CSMD1: variants seen among roughly 807,000 people sequenced by gnomAD.
CSMD1 encodes CUB and Sushi multiple domains 1, also known as CUB and sushi domain-containing protein 1.
Under a neutral mutation model 417.5 loss-of-function variants are expected in CSMD1, and 213 were observed. The ratio of observed to expected loss-of-function variants is 0.51; its 90% CI spans 0.46 to 0.57. The LOEUF is 0.57. CSMD1 is among the 20% of genes least tolerant of loss of function. The pLI is 0.00. For synonymous variants in CSMD1, 2,862 were observed against 1,736.8 expected (o/e 1.65, Z -16.11); for missense variants, 6,923 against 4,529.7 (o/e 1.53, Z -15.17).
At chr8:3,035,362 A>T (rs1279802799) in intron 50 of CSMD1, among the ~76,000 whole-genome samples, 2 of 152,154 alleles carry the variant, frequency 1.3e-5, no homozygotes, top group Non-Finnish European at 2.9e-5. Context: ...AAAGGAGGGT[A>T]TCACTATTAT....
chr8:4,807,209 G>A (rs1333299119), intron 1 of CSMD1, among the ~76,000 whole-genome samples: 1 of 152,100 alleles, frequency 6.6e-6, no homozygotes, highest in Admixed American at 6.5e-5. Context: ...CCATCTGCCT[G>A]TCCACCACTC....
chr8:4,958,693 G>T (rs182695318), intron 1 of CSMD1, among the ~76,000 whole-genome samples: 68 of 152,194 alleles, frequency 4.5e-4, no homozygotes, highest in African/African-American at 1.5e-3. Flanking sequence ...AAGAATAATA[G>T]ACATAATTAG....
chr8:4,781,525 T>G (rs188626584), intron 1 of CSMD1, among the ~76,000 whole-genome samples: 40 of 152,298 alleles, frequency 2.6e-4, no homozygotes, highest in African/African-American at 9.6e-4. Flanking sequence ...AAGAGATAAT[T>G]AAAAATCATA....
At chr8:3,053,286 G>A (rs915527969) in intron 49 of CSMD1, among the ~76,000 whole-genome samples, 4 of 152,152 alleles carry the variant, frequency 2.6e-5, no homozygotes, top group African/African-American at 9.7e-5. Flanking sequence ...GGAGCACAAT[G>A]TCACACACTC....
intron 1 of CSMD1, among the ~76,000 whole-genome samples, chr8:4,902,895 T>C (rs1804979285): frequency 6.6e-6 from 1 of 151,484 alleles, no homozygotes; most frequent in Admixed American, 6.6e-5. Flanking sequence ...TGCATGTATA[T>C]TTTTACACAA....
chr8:4,125,233 C>T lies in CSMD1; in HGVS notation c.416-93134G>A, dbSNP rs989463096. On this transcript the variant is annotated intron_variant, in intron 3 of 69. Coordinates refer to ENST00000635120, the MANE Select transcript of CSMD1 (RefSeq NM_033225.6). The stretch of plus-strand genomic sequence containing the variant: ...AGGTCGAGCTGGGAACTGCTTAGGG[C>T]CAACCTGCCTCCCATTCTATTCGAA... Among the ~76,000 whole-genome samples the T allele has an allele frequency of 3.9e-5, 6 of 152,178 alleles. No individual in the cohort carries two copies. The East Asian group carries it at 7.7e-4, about 20-fold the overall frequency.
intron 26 of CSMD1, among the ~76,000 whole-genome samples, chr8:3,244,700 C>G (rs556754717): frequency 6.6e-6 from 1 of 152,028 alleles, no homozygotes; most frequent in Admixed American, 6.6e-5. Context: ...TCACCCTGGA[C>G]GGTGAATGGA....
chr8:3,372,187 A>C (rs1338281340), intron 18 of CSMD1, among the ~76,000 whole-genome samples: 1 of 152,184 alleles, frequency 6.6e-6, no homozygotes, highest in Non-Finnish European at 1.5e-5. Context: ...TCTATAAATA[A>C]GGACTTGAGA....
intron 1 of CSMD1, among the ~76,000 whole-genome samples, chr8:4,842,475 A>G (rs1348762759): frequency 2.0e-5 from 3 of 152,222 alleles, no homozygotes; most frequent in African/African-American, 7.2e-5. Flanking sequence ...ATGAGTTGTC[A>G]GATGCAATGG....
chr8:3,254,749 G>C (rs930075740), intron 26 of CSMD1, among the ~76,000 whole-genome samples: 1 of 152,028 alleles, frequency 6.6e-6, no homozygotes, highest in African/African-American at 2.4e-5. Context: ...TCTGTGCATT[G>C]GTTATTCTAG....
At chr8:4,366,448 G>T (rs563697165) in intron 3 of CSMD1, among the ~76,000 whole-genome samples, 6 of 152,282 alleles carry the variant, frequency 3.9e-5, no homozygotes, top group Admixed American at 3.3e-4. Context: ...AATCCCAAAG[G>T]TGGGACTGCT....
chr8:3,850,130 C>T (rs761069518), intron 5 of CSMD1, among the ~76,000 whole-genome samples: 13 of 152,200 alleles, frequency 8.5e-5, no homozygotes, highest in Non-Finnish European at 1.8e-4. Context: ...TGGGCGATGT[C>T]GCCATTCTTA....
At chr8:3,820,254 T>A (rs915127453) in intron 5 of CSMD1, among the ~76,000 whole-genome samples, 1 of 152,190 alleles carries the variant, frequency 6.6e-6, no homozygotes, top group Admixed American at 6.5e-5. Context: ...CCAGACCATG[T>A]GGCAAATGGG....
intron 26 of CSMD1, among the ~76,000 whole-genome samples, chr8:3,248,046 G>A (rs754157939): frequency 7.2e-5 from 11 of 152,076 alleles, no homozygotes; most frequent in African/African-American, 1.4e-4. Context: ...GAACAACACC[G>A]GCTGTGCAAA....
chr8:3,498,894 T>C (rs1185070201), intron 10 of CSMD1, among the ~76,000 whole-genome samples: 2 of 152,186 alleles, frequency 1.3e-5, no homozygotes, highest in East Asian at 1.9e-4. Context: ...GATCATGAAT[T>C]GTTTTCCTAC....
intron 2 of CSMD1, among the ~76,000 whole-genome samples, chr8:4,452,858 G>C (rs1260054109): frequency 3.3e-5 from 5 of 152,150 alleles, no homozygotes; most frequent in Non-Finnish European, 7.3e-5. Flanking sequence ...ATGAGAAGGT[G>C]ATATAGGAAG....
chr8:3,645,349 C>G (rs537066775), intron 7 of CSMD1, among the ~76,000 whole-genome samples: 2 of 152,332 alleles, frequency 1.3e-5, no homozygotes, highest in East Asian at 1.9e-4. Context: ...AAGACCTATC[C>G]TAATTGAGAA....
intron 3 of CSMD1, among the ~76,000 whole-genome samples, chr8:4,084,218 C>G (rs1176803171): frequency 6.6e-6 from 1 of 151,508 alleles, no homozygotes; most frequent in Non-Finnish European, 1.5e-5. Context: ...GTTAGTTTTA[C>G]TCTGTAGAGT....
chr8:3,995,705 A>G (rs1421822616), intron 5 of CSMD1, among the ~76,000 whole-genome samples: 1 of 152,216 alleles, frequency 6.6e-6, no homozygotes, highest in Non-Finnish European at 1.5e-5. Flanking sequence ...AGTAAGAATA[A>G]TGACCCCACA....
Sources: gnomAD v4.1 joint callset for allele counts (sites outside exome capture counted in the v4.1 genomes callset) on GRCh38, gnomAD v4.1.1 for gene constraint, MANE v1.5 for transcripts, NCBI Gene and HGNC (gene_info 2026-07-23, HGNC 2026-07-21) for gene names.